The following CAMK1D variants were observed in gnomAD, a reference collection of about 807,000 sequenced individuals.
The protein encoded by CAMK1D is calcium/calmodulin dependent protein kinase ID.
In CAMK1D, 9 loss-of-function variants were observed where a neutral mutation model predicts 47.7. The ratio of observed to expected loss-of-function variants is 0.19; its 90% CI spans 0.11 to 0.33. The LOEUF (loss-of-function observed/expected upper bound fraction) is 0.33. CAMK1D is among the 10% of genes least tolerant of loss of function. The pLI, the probability that CAMK1D is intolerant of heterozygous loss-of-function variation, is 1.00. For synonymous variants in CAMK1D, 184 were observed against 184.9 expected, an observed-to-expected ratio of 0.99 and a Z score of 0.04; for missense variants, 291 against 488.7, an observed-to-expected ratio of 0.60 and a Z score of 3.81.
intron 1 of CAMK1D, among the ~76,000 whole-genome samples, chr10:12,397,187 G>A (rs141381445): frequency 2.0e-3 from 300 of 152,226 alleles, no homozygotes; most frequent in Non-Finnish European, 3.4e-3. Context: ...TTTGGATCTC[G>A]TCTCAATGGT....
chr10:12,556,038 G>A (rs1251672126), intron 2 of CAMK1D, among the ~76,000 whole-genome samples: 1 of 152,128 alleles, frequency 6.6e-6, no homozygotes, highest in South Asian at 2.1e-4. Flanking sequence ...TTCAGTATCC[G>A]CTGCTGGAGT....
chr10:12,580,035 G>T (rs938187915), intron 2 of CAMK1D, among the ~76,000 whole-genome samples: 4 of 152,154 alleles, frequency 2.6e-5, no homozygotes. Context: ...CTCCACTGGG[G>T]CGTTTTTCCT....
In CAMK1D at chr10:12,419,498, C is replaced by T. The variant is rs529863293; in HGVS notation, c.92+69588C>T. 3.9e-5 allele frequency among the ~76,000 whole-genome samples: 6 copies of T among 152,254 alleles called. No individual in the cohort carries two copies. The South Asian group carries it at 1.2e-3, about 32-fold the overall frequency. On this transcript the variant is annotated intron_variant, in intron 1 of 10. Transcript: ENST00000619168. The stretch of plus-strand genomic sequence containing the variant: ...CTGACTTTTCCACAGCCTTTCTTGA[C>T]AACATGCAGGGCACATATTAGACAT...
At chr10:12,759,635 A>C (rs1250877939) in intron 3 of CAMK1D, among the ~76,000 whole-genome samples, 1 of 150,408 alleles carries the variant, frequency 6.6e-6, no homozygotes, top group Non-Finnish European at 1.5e-5. Flanking sequence ...TTGCTTTTTT[A>C]TTTCTCCTGA....
At chr10:12,387,091 C>T (rs1838519458) in intron 1 of CAMK1D, among the ~76,000 whole-genome samples, 1 of 150,728 alleles carries the variant, frequency 6.6e-6, no homozygotes, top group Admixed American at 6.7e-5. Context: ...GTAGTCCCAG[C>T]TACTCAGGAG....
intron 3 of CAMK1D, among the ~76,000 whole-genome samples, chr10:12,674,095 G>A (rs1322412857): frequency 6.6e-6 from 1 of 152,060 alleles, no homozygotes; most frequent in Non-Finnish European, 1.5e-5. Context: ...GCAGGCATGT[G>A]CCACCATGCC....
At chr10:12,580,118 C>T (rs1315282781) in intron 2 of CAMK1D, among the ~76,000 whole-genome samples, 2 of 152,126 alleles carry the variant, frequency 1.3e-5, no homozygotes, top group Non-Finnish European at 2.9e-5. Context: ...CAGGGCCTTT[C>T]GGCACAGCCA....
At chr10:12,401,191 AT>A (rs1407686381) in intron 1 of CAMK1D, among the ~76,000 whole-genome samples, 1 of 48,622 alleles carries the variant, frequency 2.1e-5, no homozygotes, top group Admixed American at 3.8e-4. Context: ...TTATATATAT[AT>A]TTTATATATA....
At chr10:12,507,614 C>G (rs549906153) in intron 1 of CAMK1D, among the ~76,000 whole-genome samples, 1 of 152,038 alleles carries the variant, frequency 6.6e-6, no homozygotes, top group Non-Finnish European at 1.5e-5. Flanking sequence ...GAGGGCCGCC[C>G]GGAAGAAAGG....
chr10:12,526,275 C>A (rs1835618336), intron 1 of CAMK1D, among the ~76,000 whole-genome samples: 2 of 152,232 alleles, frequency 1.3e-5, no homozygotes, highest in South Asian at 4.1e-4. Flanking sequence ...ATCTGCCCCA[C>A]ATACACACTT....
intron 1 of CAMK1D, among the ~76,000 whole-genome samples, chr10:12,448,050 C>T (rs1332380329): frequency 8.0e-6 from 1 of 125,420 alleles, no homozygotes; most frequent in Non-Finnish European, 1.8e-5. Context: ...GACAGGGTTT[C>T]ACCATGTTGG....
chr10:12,702,038 C>T (rs1454358572), intron 3 of CAMK1D, among the ~76,000 whole-genome samples: 1 of 152,218 alleles, frequency 6.6e-6, no homozygotes, highest in Admixed American at 6.5e-5. Context: ...CCCCACATTC[C>T]TTGGCCAGAG....
At chr10:12,620,438 G>A (rs1838965177) in intron 2 of CAMK1D, among the ~76,000 whole-genome samples, 1 of 152,216 alleles carries the variant, frequency 6.6e-6, no homozygotes, top group Non-Finnish European at 1.5e-5. Context: ...TGACGTTGCC[G>A]TCATTTTGTG....
chr10:12,466,884 G>T (rs370731541), intron 1 of CAMK1D, among the ~76,000 whole-genome samples: 4 of 152,064 alleles, frequency 2.6e-5, no homozygotes, highest in Non-Finnish European at 5.9e-5. Context: ...AATGAAGCAG[G>T]ATGTTTCAGG....
intron 5 of CAMK1D, among the ~76,000 whole-genome samples, chr10:12,777,717 G>A (rs1408832105): frequency 6.6e-6 from 1 of 152,174 alleles, no homozygotes; most frequent in Non-Finnish European, 1.5e-5. Flanking sequence ...GTGGTCAGAG[G>A]AATGGCAGGA....
intron 1 of CAMK1D, among the ~76,000 whole-genome samples, chr10:12,396,484 C>T (rs1838960485): frequency 6.6e-6 from 1 of 152,212 alleles, no homozygotes; most frequent in Admixed American, 6.5e-5. Flanking sequence ...GCTTAACCCC[C>T]TTTTTGCCAT....
At chr10:12,823,203 T>C (rs1833073151) in intron 8 of CAMK1D, among the ~76,000 whole-genome samples, 1 of 152,208 alleles carries the variant, frequency 6.6e-6, no homozygotes, top group African/African-American at 2.4e-5. Context: ...GGCTGTTTAA[T>C]GTCCAGGGCA....
At chr10:12,412,790 T>C (rs979591775) in intron 1 of CAMK1D, among the ~76,000 whole-genome samples, 2 of 148,634 alleles carry the variant, frequency 1.3e-5, no homozygotes, top group African/African-American at 5.0e-5. Flanking sequence ...CGTGGTGAAG[T>C]GGGGTGTTTG....
chr10:12,360,859 A>ATCTT (rs975200555), intron 1 of CAMK1D, among the ~76,000 whole-genome samples: 10 of 152,122 alleles, frequency 6.6e-5, no homozygotes, highest in African/African-American at 2.4e-4. Context: ...TGCCTCTCCC[A>ATCTT]TCTTTCTTTC....
Sources: gnomAD v4.1 joint callset for allele counts (sites outside exome capture counted in the v4.1 genomes callset) on GRCh38, gnomAD v4.1.1 for gene constraint, MANE v1.5 for transcripts, NCBI Gene and HGNC (gene_info 2026-07-23, HGNC 2026-07-21) for gene names.